The following GPA33 variants were observed in gnomAD, a reference collection of about 807,000 sequenced individuals.
GPA33 encodes the protein glycoprotein A33, also known as cell surface A33 antigen.
A neutral mutation model predicts 35.6 loss-of-function variants in GPA33; 27 were observed. The observed-to-expected ratio is 0.76, with a 90% CI of 0.56 to 1.04. The LOEUF (loss-of-function observed/expected upper bound fraction) is 1.04, where lower values mean the gene tolerates loss of function less well. Among genes scored for constraint, GPA33 ranks in the 50% least tolerant of loss-of-function variants. GPA33 has a pLI of 0.00. For missense variants in GPA33, 428 were observed against 411.9 expected, an observed-to-expected ratio of 1.04 and a Z score of -0.34; for synonymous variants, 176 against 164.0, an observed-to-expected ratio of 1.07 and a Z score of -0.56.
At chr1:167,082,141 C>A in intron 1 of GPA33, 1 of 413,264 alleles carries the variant, frequency 2.4e-6, no homozygotes, top group South Asian at 1.8e-5. Flanking sequence ...GGATGCAAAA[C>A]TGTGCATACA....
At position 167,054,340 on chromosome 1, in the gene GPA33, G is replaced by A. The variant is rs1204865204; in HGVS notation, c.954C>T (p.Asp318=). 1.9e-6 allele frequency: 3 copies of A among 1,613,970 alleles called. No individual in the cohort carries two copies. The highest frequency in any genetic ancestry group is 2.5e-6 in the Non-Finnish European group (3 of 1,180,002). The part of the protein sequence containing the change: ...STGRESPDHL[D]Q ...GCCCTCTGCTGCTGGCCTGTCACTG[G>A]TCGAGGTGGTCCGGGGATTCACGCC... The change falls in exon 7 of 7, where the codon GAC becomes GAT. Residue 318 remains aspartate, a synonymous_variant. Coordinates refer to ENST00000367868, the MANE Select transcript of GPA33 (RefSeq NM_005814.3).
chr1:167,055,732 G>C lies in GPA33; in HGVS notation c.689C>G (p.Ser230Cys). 1 of 1,613,982 alleles carries C rather than the reference G, an allele frequency of 6.2e-7. No homozygotes were observed. Among genetic ancestry groups the C allele is most frequent in the Admixed American group, 1.7e-5 (1 of 60,038 alleles). The change falls in exon 5 of 7, where the codon TCT becomes TGT. Residue 230 changes from serine to cysteine, a missense_variant and splice_region_variant. Ser to Cys is a moderately radical substitution (Grantham distance 112). Transcript: ENST00000367868. Reference sequence around the variant, plus strand: ...CTCCCCCCGCAGGCTGCTCTTACGAGATCTGACGGCCACCGTGATGTTGCA... The same window carrying C: ...CTCCCCCCGCAGGCTGCTCTTACGACATCTGACGGCCACCGTGATGTTGCA... ...QFCNITVAVR[S>C]PSMNVALYVG...
In GPA33 at chr1:167,065,907, C is replaced by T. The variant is rs140724514; in HGVS notation, c.416-2170G>A. ...GAGCAGTGTGGGGAGGGGGAGTCTG[C>T]GGCTTAAGGACCACTCTTACCAGCA... On this transcript the variant is annotated intron_variant, in intron 3 of 6. Transcript: ENST00000367868. Among the ~76,000 whole-genome samples, 25 of 152,172 alleles carry T rather than the reference C, an allele frequency of 1.6e-4. No homozygotes were observed. In the South Asian group the frequency reaches 2.5e-3, roughly 15 times the overall value.
rs141588028 is a variant in GPA33 at position 167,085,313 on chromosome 1, T to C, written c.43+4932A>G. 4.7e-3 allele frequency among the ~76,000 whole-genome samples: 708 copies of C among 152,250 alleles called. 5 individuals carry two copies. The highest frequency in any genetic ancestry group is 0.016 in the African/African-American group (667 of 41,540). On this transcript the variant is annotated intron_variant, in intron 1 of 6. Coordinates refer to ENST00000367868, the MANE Select transcript of GPA33 (RefSeq NM_005814.3). ...AGGAGAACAAGGAGAGGAAGTCTCA[T>C]GGGAACCAACAGGACAGAGTGTTTC... is the stretch of plus-strand genomic sequence containing the variant.
At chr1:167,057,262 A>T (rs1416728180) in intron 4 of GPA33, among the ~76,000 whole-genome samples, 1 of 152,066 alleles carries the variant, frequency 6.6e-6, no homozygotes, top group Non-Finnish European at 1.5e-5. Flanking sequence ...TCAATCTATC[A>T]TCCTATGAAT....
chr1:167,075,848 C>T (rs1220420950), intron 1 of GPA33, among the ~76,000 whole-genome samples: 3 of 152,128 alleles, frequency 2.0e-5, no homozygotes, highest in Non-Finnish European at 4.4e-5. Context: ...GCTAGGGAGA[C>T]AGGAAGAGAA....
chr1:167,069,897 C>T (rs1269018062), intron 2 of GPA33, among the ~76,000 whole-genome samples: 1 of 152,222 alleles, frequency 6.6e-6, no homozygotes, highest in Non-Finnish European at 1.5e-5. Flanking sequence ...TATAACTGAG[C>T]ATCTACTAGG....
chr1:167,087,521 C>A (rs993738343), intron 1 of GPA33, among the ~76,000 whole-genome samples: 1 of 152,144 alleles, frequency 6.6e-6, no homozygotes, highest in South Asian at 2.1e-4. Flanking sequence ...CCCCTTTGGT[C>A]CCCTGGGATG....
In GPA33 at chr1:167,054,180, C is replaced by A; in HGVS notation, c.*154G>T. ...CACAGGGACCCCCTTACCAGGCCAG[C>A]CATGTTCCCCACAGCTGACACTGGG... is the stretch of plus-strand genomic sequence containing the variant. On this transcript the variant is annotated 3_prime_UTR_variant, in exon 7 of 7. Transcript: ENST00000367868. 1.0e-6 allele frequency: 1 copy of A among 997,496 alleles called. No individual in the cohort carries two copies. Among genetic ancestry groups the A allele is most frequent in the Non-Finnish European group, 1.5e-6 (1 of 675,866 alleles). 61.8% of individuals were successfully genotyped at this position (997,496 alleles called of 1,614,324 possible).
At chr1:167,083,666 G>T (rs758476112) in intron 1 of GPA33, among the ~76,000 whole-genome samples, 5 of 152,210 alleles carry the variant, frequency 3.3e-5, no homozygotes, top group Non-Finnish European at 7.3e-5. Flanking sequence ...ATAACAGAGA[G>T]GGTGCCCTGA....
intron 6 of GPA33, 59 bp from the exon 7 acceptor site, chr1:167,054,525 G>A: frequency 6.2e-7 from 1 of 1,609,286 alleles, no homozygotes; most frequent in South Asian, 1.1e-5. Flanking sequence ...CCTCAAGGGA[G>A]CTGGGCCTCA....
rs777150420 is a variant in GPA33 at position 167,063,628 on chromosome 1, C to G, written c.525G>C (p.Trp175Cys). 3 of 1,613,236 alleles carry G rather than the reference C, an allele frequency of 1.9e-6. No individual in the cohort carries two copies. The change falls in exon 4 of 7, where the codon TGG (tryptophan) becomes TGC (cysteine). Residue 175 changes from tryptophan (W) to cysteine (C), a missense_variant. Coordinates refer to ENST00000367868, the MANE Select transcript of GPA33 (RefSeq NM_005814.3). ...CCTGATTCAGGATGTTGTACCTCTT[C>G]CAGCTGTACTGAGGGGTTGGTGAGC... The part of the protein sequence containing the change: ...KEGSPTPQYS[W>C]KRYNILNQEQ...
At position 167,057,200 on chromosome 1, in the gene GPA33, C is replaced by A. The variant is rs1022569765; in HGVS notation, c.572-1351G>T. On this transcript the variant is annotated intron_variant, in intron 4 of 6. Transcript: ENST00000367868. ...GAAAGCAGGAGTGAAAACACCTGATCCTCCTGAATCGAAGAGAACGGACCA... is the reference window on the plus strand; with the variant it reads ...GAAAGCAGGAGTGAAAACACCTGATACTCCTGAATCGAAGAGAACGGACCA... Among the ~76,000 whole-genome samples, 4 of 152,074 alleles carry A rather than the reference C, an allele frequency of 2.6e-5. No individual in the cohort carries two copies. The East Asian group carries it at 7.7e-4, about 29-fold the overall frequency.
chr1:167,052,870 A>G lies in GPA33; in HGVS notation c.*1464T>C, dbSNP rs935746745. 2.6e-5 allele frequency: 4 copies of G among 152,200 alleles called. No individual in the cohort carries two copies. Among genetic ancestry groups the G allele is most frequent in the Non-Finnish European group, 5.9e-5 (4 of 68,036 alleles). The allele number at this position is 152,200 out of a possible 1,614,324, so 9.4% of individuals were successfully genotyped here. A position where few individuals can be genotyped will look rare whatever the true frequency, so the allele number is the denominator to read the frequency against. ...CCACCCACAATTTTATTATTACTGAAAGCATTTGGAATGAAGCAAAGGATT... is the reference window on the plus strand; with the variant it reads ...CCACCCACAATTTTATTATTACTGAGAGCATTTGGAATGAAGCAAAGGATT... On this transcript the variant is annotated 3_prime_UTR_variant, in exon 7 of 7. Transcript: ENST00000367868.
chr1:167,084,219 G>C (rs534577153), intron 1 of GPA33, among the ~76,000 whole-genome samples: 1 of 152,220 alleles, frequency 6.6e-6, no homozygotes, highest in Non-Finnish European at 1.5e-5. Flanking sequence ...GTGGACAGCA[G>C]TTAGGAGAAG....
intron 1 of GPA33, among the ~76,000 whole-genome samples, chr1:167,081,116 AG>A (rs950602352): frequency 2.0e-5 from 3 of 152,258 alleles, no homozygotes; most frequent in African/African-American, 7.2e-5. Context: ...TAAAAAATTA[AG>A]GTTTATTAAG....
Position 167,054,149 on chromosome 1 carries a change from G to T in GPA33, c.*185C>A. The T allele has an allele frequency of 1.4e-6, 1 of 711,606 alleles. No homozygotes were observed. Among genetic ancestry groups the T allele is most frequent in the Non-Finnish European group, 2.3e-6 (1 of 434,142 alleles). The allele number at this position is 711,606 out of a possible 1,614,324, so 44.1% of individuals were successfully genotyped here. A position where few individuals can be genotyped will look rare whatever the true frequency, so the allele number is the denominator to read the frequency against. Reference sequence around the variant, plus strand: ...CTTCACAGGACAGTGAGGTCAGCAGGATCAGCACAGGGACCCCCTTACCAG... The same window carrying T: ...CTTCACAGGACAGTGAGGTCAGCAGTATCAGCACAGGGACCCCCTTACCAG... On this transcript the variant is annotated 3_prime_UTR_variant, in exon 7 of 7. Coordinates refer to ENST00000367868, the MANE Select transcript of GPA33 (RefSeq NM_005814.3).
intron 1 of GPA33, among the ~76,000 whole-genome samples, chr1:167,079,042 A>G (rs1312974975): frequency 1.3e-5 from 2 of 152,222 alleles, no homozygotes; most frequent in Non-Finnish European, 2.9e-5. Flanking sequence ...CACCATCACC[A>G]TGGGTGAGCT....
At chr1:167,072,158 G>A (rs537236470) in intron 2 of GPA33, among the ~76,000 whole-genome samples, 31 of 152,132 alleles carry the variant, frequency 2.0e-4, no homozygotes, top group African/African-American at 4.8e-4. Flanking sequence ...CTGCCCGCTC[G>A]AGGCCTTGAG....
Sources: gnomAD v4.1 joint callset for allele counts (sites outside exome capture counted in the v4.1 genomes callset) on GRCh38, gnomAD v4.1.1 for gene constraint, MANE v1.5 for transcripts, NCBI Gene and HGNC (gene_info 2026-07-23, HGNC 2026-07-21) for gene names.